Variants in USP34 observed in about 807,000 individuals in gnomAD.
USP34 encodes ubiquitin specific peptidase 34.
USP34 carries 70 observed loss-of-function variants against 460.3 expected under a neutral mutation model. The observed-to-expected ratio is 0.15, with a 90% CI of 0.13 to 0.19. USP34 has a LOEUF of 0.19. USP34 is among the 10% of genes least tolerant of loss of function. The pLI is 1.00. For synonymous variants in USP34, 1,647 were observed against 1,405.3 expected (o/e 1.17, Z -3.85); for missense variants, 3,985 against 4,236.2 (o/e 0.94, Z 1.65).
chr2:61,251,332 T>C (rs1372967167), intron 48 of USP34, among the ~76,000 whole-genome samples: 1 of 152,208 alleles, frequency 6.6e-6, no homozygotes, highest in East Asian at 1.9e-4. Flanking sequence ...ATAACACTGA[T>C]ATTAAAATCA....
intron 1 of USP34, among the ~76,000 whole-genome samples, chr2:61,461,657 T>C (rs1695604291): frequency 6.6e-6 from 1 of 152,138 alleles, no homozygotes; most frequent in Non-Finnish European, 1.5e-5. Context: ...CATGCCCTGC[T>C]AAAATAACAC....
rs754586434 is a variant in USP34 at position 61,394,878 on chromosome 2, T to C, written c.728A>G (p.His243Arg). ...ATTAGACACAACTGTAATAAACGCA[T>C]GTGCTATAAGAAATGGCAAAGTTTC... ...TPETLPFLIAHAFITVVSNIR... is the reference protein window; with the variant it reads ...TPETLPFLIARAFITVVSNIR... The change falls in exon 5 of 80, where the codon CAT becomes CGT. Residue 243 changes from histidine to arginine, a missense_variant. His to Arg is a conservative substitution (Grantham distance 29). Coordinates refer to ENST00000398571, the MANE Select transcript of USP34 (RefSeq NM_014709.4). 3 of 1,592,664 alleles carry C rather than the reference T, an allele frequency of 1.9e-6. No homozygotes were observed. Among genetic ancestry groups the C allele is most frequent in the Non-Finnish European group, 2.6e-6 (3 of 1,173,182 alleles).
At chr2:61,430,922 T>G (rs910121344) in intron 1 of USP34, among the ~76,000 whole-genome samples, 3 of 152,240 alleles carry the variant, frequency 2.0e-5, no homozygotes, top group Middle Eastern at 3.4e-3. Context: ...GAGGATCACT[T>G]GAGCCTGGGA....
intron 1 of USP34, among the ~76,000 whole-genome samples, chr2:61,459,709 G>A (rs1024230750): frequency 2.7e-5 from 4 of 149,078 alleles, no homozygotes; most frequent in Non-Finnish European, 4.5e-5. Context: ...CCCGGGAGGC[G>A]AAGGCTGCAG....
intron 43 of USP34, among the ~76,000 whole-genome samples, chr2:61,262,410 C>T (rs1474725320): frequency 6.6e-6 from 1 of 152,044 alleles, no homozygotes; most frequent in Non-Finnish European, 1.5e-5. Context: ...TATTTAGCTC[C>T]CACTTATAAG....
intron 33 of USP34, among the ~76,000 whole-genome samples, chr2:61,292,307 T>C (rs928561889): frequency 5.3e-5 from 8 of 152,148 alleles, no homozygotes; most frequent in African/African-American, 1.9e-4. Context: ...TTAAGAGAGA[T>C]GCACTATAAA....
At chr2:61,302,871 C>T (rs1196728311) in intron 27 of USP34, among the ~76,000 whole-genome samples, 3 of 151,982 alleles carry the variant, frequency 2.0e-5, no homozygotes, top group Non-Finnish European at 4.4e-5. Context: ...TTAGTTTATT[C>T]ATACAGATAA....
intron 1 of USP34, among the ~76,000 whole-genome samples, chr2:61,461,878 A>C (rs1156766172): frequency 2.0e-5 from 3 of 152,216 alleles, no homozygotes; most frequent in Non-Finnish European, 4.4e-5. Flanking sequence ...CATTTGCGGC[A>C]TTATTCATAA....
At chr2:61,448,865 A>G (rs1695191121) in intron 1 of USP34, among the ~76,000 whole-genome samples, 1 of 152,210 alleles carries the variant, frequency 6.6e-6, no homozygotes, top group Non-Finnish European at 1.5e-5. Context: ...CAAAAAGTGC[A>G]GGCCAGAGGC....
chr2:61,188,765 A>G (rs1686528570), intron 79 of USP34, 56 bp from the exon 80 acceptor site: 3 of 1,576,250 alleles, frequency 1.9e-6, no homozygotes, highest in Non-Finnish European at 2.6e-6. Flanking sequence ...AGATCACGTT[A>G]GGGGGGGATG....
chr2:61,190,715 C>A, intron 76 of USP34, 57 bp from the exon 77 acceptor site: 1 of 1,552,958 alleles, frequency 6.4e-7, no homozygotes, highest in Non-Finnish European at 8.7e-7. Flanking sequence ...AAAACTTACA[C>A]GGAAAAAACT....
chr2:61,332,601 C>T (rs1367920289), intron 19 of USP34, among the ~76,000 whole-genome samples: 1 of 151,944 alleles, frequency 6.6e-6, no homozygotes, highest in African/African-American at 2.4e-5. Context: ...CGTGTTAGCA[C>T]CAAATGACTG....
At chr2:61,281,582 G>A (rs574534077) in intron 37 of USP34, among the ~76,000 whole-genome samples, 2 of 152,268 alleles carry the variant, frequency 1.3e-5, no homozygotes, top group South Asian at 4.1e-4. Flanking sequence ...TCTCCAGACT[G>A]GGTGGCAGAA....
chr2:61,257,300 G>A lies in USP34; in HGVS notation c.5895C>T (p.Thr1965=), dbSNP rs749090621. 3 of 1,612,722 alleles carry A rather than the reference G, an allele frequency of 1.9e-6. No homozygotes were observed. Among genetic ancestry groups the A allele is most frequent in the South Asian group, 1.1e-5 (1 of 90,892 alleles). Reference sequence around the variant, plus strand: ...CAGTATTCAGAGGCTGCTTATCCATGGTGTATGTTTTACAGAAAGGTCTAG... The same window carrying A: ...CAGTATTCAGAGGCTGCTTATCCATAGTGTATGTTTTACAGAAAGGTCTAG... The part of the protein sequence containing the change: ...YNPRPFCKTY[T]MDKQPLNTGE... The change falls in exon 45 of 80, where the codon ACC becomes ACT. Residue 1965 remains threonine (T), a synonymous_variant. Coordinates refer to ENST00000398571, the MANE Select transcript of USP34 (RefSeq NM_014709.4).
intron 1 of USP34, among the ~76,000 whole-genome samples, chr2:61,432,511 G>A (rs1694707436): frequency 6.6e-6 from 1 of 152,054 alleles, no homozygotes; most frequent in South Asian, 2.1e-4. Context: ...GGACACAGTG[G>A]TGTGTGTCTC....
intron 1 of USP34, among the ~76,000 whole-genome samples, chr2:61,466,935 G>A (rs2104120465): frequency 6.6e-6 from 1 of 151,584 alleles, no homozygotes; most frequent in African/African-American, 2.4e-5. Flanking sequence ...ACACTCGTTT[G>A]CCCAGGTAGC....
intron 32 of USP34, among the ~76,000 whole-genome samples, chr2:61,294,512 G>T (rs1443596980): frequency 1.3e-5 from 2 of 151,956 alleles, no homozygotes; most frequent in African/African-American, 2.4e-5. Flanking sequence ...TCCACCTCCT[G>T]GGTTCAAGTG....
intron 27 of USP34, among the ~76,000 whole-genome samples, chr2:61,309,011 G>A (rs180762084): frequency 6.6e-6 from 1 of 151,982 alleles, no homozygotes; most frequent in Non-Finnish European, 1.5e-5. Flanking sequence ...CTCCAGCCTG[G>A]GTGACAGAGG....
At chr2:61,248,984 A>G (rs1239034402) in intron 48 of USP34, among the ~76,000 whole-genome samples, 1 of 152,246 alleles carries the variant, frequency 6.6e-6, no homozygotes, top group Admixed American at 6.5e-5. Flanking sequence ...TTATAACAAT[A>G]TACTGTTCAC....
Sources: gnomAD v4.1 joint callset for allele counts (sites outside exome capture counted in the v4.1 genomes callset) on GRCh38, gnomAD v4.1.1 for gene constraint, MANE v1.5 for transcripts, NCBI Gene and HGNC (gene_info 2026-07-23, HGNC 2026-07-21) for gene names.